Variants in KDM8 observed in about 807,000 individuals in gnomAD.
KDM8 encodes the protein lysine demethylase 8.
In KDM8, 35 loss-of-function variants were observed where a neutral mutation model predicts 46.9. That is an observed-to-expected ratio of 0.75 (90% CI 0.57 to 0.99). The LOEUF (loss-of-function observed/expected upper bound fraction) is 0.99. Ranked by LOEUF, KDM8 falls within the 50% of genes least tolerant of loss-of-function variation. The pLI, the probability that KDM8 is intolerant of heterozygous loss-of-function variation, is 0.00. For missense variants in KDM8, 475 were observed against 537.0 expected, an observed-to-expected ratio of 0.88 and a Z score of 1.14; for synonymous variants, 232 against 227.7, an observed-to-expected ratio of 1.02 and a Z score of -0.17.
chr16:27,218,303 A>G (rs2083576623), intron 5 of KDM8, among the ~76,000 whole-genome samples: 1 of 151,986 alleles, frequency 6.6e-6, no homozygotes, highest in African/African-American at 2.4e-5. Context: ...TACAATAAAT[A>G]AATAAAGGAG....
chr16:27,205,329 C>T (rs2083417733), intron 1 of KDM8, among the ~76,000 whole-genome samples: 2 of 152,164 alleles, frequency 1.3e-5, no homozygotes, highest in African/African-American at 4.8e-5. Flanking sequence ...TATATTCTGA[C>T]CTTCTTTGCA....
chr16:27,203,973 C>A, intron 1 of KDM8: 1 of 748,994 alleles, frequency 1.3e-6, no homozygotes, highest in Non-Finnish European at 2.1e-6. Flanking sequence ...TGGTGTAGGC[C>A]TAGTGCGCCT....
intron 4 of KDM8, among the ~76,000 whole-genome samples, chr16:27,215,636 T>C (rs2083542240): frequency 6.6e-6 from 1 of 152,224 alleles, no homozygotes; most frequent in African/African-American, 2.4e-5. Context: ...AGATCACTTA[T>C]ACTTTCACCA....
rs1023392451 is a variant in KDM8, at chr16:27,221,295, G to A, written c.*565G>A. The stretch of plus-strand genomic sequence containing the variant: ...TCCTTTTGCCCTTCCTTCCCATAAC[G>A]GCCTGCTGGACGCCACAGCCTGAAT... On this transcript the variant is annotated 3_prime_UTR_variant, in exon 8 of 8. Transcript: ENST00000286096. The A allele has an allele frequency of 2.6e-5, 6 of 227,544 alleles. No homozygotes were observed. Among genetic ancestry groups the A allele is most frequent in the Non-Finnish European group, 4.4e-5 (5 of 113,480 alleles). 14.1% of individuals were successfully genotyped at this position (227,544 alleles called of 1,614,324 possible).
intron 5 of KDM8, among the ~76,000 whole-genome samples, chr16:27,217,100 T>G (rs1033197411): frequency 1.2e-4 from 19 of 152,156 alleles, no homozygotes; most frequent in African/African-American, 4.6e-4. Flanking sequence ...GTGTCTACCA[T>G]GCTGTGGAGA....
chr16:27,217,378 A>G (rs1052584546), intron 5 of KDM8, among the ~76,000 whole-genome samples: 1 of 152,206 alleles, frequency 6.6e-6, no homozygotes, highest in Non-Finnish European at 1.5e-5. Context: ...TTCTGATGAC[A>G]TGATCTGGTC....
At chr16:27,215,869 ACAG>A in intron 4 of KDM8, 73 bp from the exon 5 acceptor site, 7 of 1,451,356 alleles carry the variant, frequency 4.8e-6, no homozygotes, top group Non-Finnish European at 6.8e-6. Flanking sequence ...GGCCAGCTGG[ACAG>A]CAGCAGCAGG....
At position 27,210,408 on chromosome 16, in the gene KDM8, C is replaced by A; in HGVS notation, c.285C>A (p.Tyr95Ter). The A allele has an allele frequency of 6.2e-7, 1 of 1,609,140 alleles. No individual in the cohort carries two copies. The highest frequency in any genetic ancestry group is 8.5e-7 in the Non-Finnish European group (1 of 1,176,378). The change falls in exon 2 of 8, where the codon TAC becomes TAA. Residue 95 changes from tyrosine to a stop codon, truncating the protein, a stop_gained. Transcript: ENST00000286096. LOFTEE classifies it high-confidence loss of function. ...TAGACAAAGACTGGCGCCGGGTCTA[C>A]GCCATCGGCTGCCTCCTGAAAGCCC... is the stretch of plus-strand genomic sequence containing the variant. The part of the protein sequence containing the change: ...QDVDKDWRRV[Y>*]AIGCLLKALC...
chr16:27,204,150 G>A (rs746656979), intron 1 of KDM8: 1 of 1,524,580 alleles, frequency 6.6e-7, no homozygotes, highest in South Asian at 1.2e-5. Context: ...GGGGTCTGAG[G>A]CCTCGGGGCT....
At chr16:27,215,095 G>A in intron 4 of KDM8, 87 bp downstream of exon 4, 1 of 1,503,220 alleles carries the variant, frequency 6.7e-7, no homozygotes, top group Non-Finnish European at 9.2e-7. Flanking sequence ...GTGTTGTAAT[G>A]GGAGGTTTTG....
At chr16:27,217,394 A>G (rs1212934024) in intron 5 of KDM8, among the ~76,000 whole-genome samples, 3 of 152,082 alleles carry the variant, frequency 2.0e-5, no homozygotes, top group Admixed American at 2.0e-4. Context: ...TGGTCAGCCA[A>G]TCACCTTTCA....
At chr16:27,213,545 TG>T in intron 2 of KDM8, 39 bp from the exon 3 acceptor site, 1 of 1,605,256 alleles carries the variant, frequency 6.2e-7, no homozygotes, top group African/African-American at 1.3e-5. Context: ...GTCGACTTCC[TG>T]AGGTGGTTGC....
At chr16:27,217,485 C>T (rs951551687) in intron 5 of KDM8, among the ~76,000 whole-genome samples, 2 of 152,326 alleles carry the variant, frequency 1.3e-5, no homozygotes, top group African/African-American at 4.8e-5. Flanking sequence ...AAAGCAGCAG[C>T]GTCGGGTTAC....
In KDM8 at chr16:27,215,146, C is replaced by T. The variant is rs370621185; in HGVS notation, c.798+138C>T. The T allele has an allele frequency of 1.0e-3, 1,010 of 972,912 alleles. 3 individuals carry two copies. Among genetic ancestry groups the T allele is most frequent in the South Asian group, 7.6e-3 (508 of 66,428 alleles). 60.3% of individuals were successfully genotyped at this position (972,912 alleles called of 1,614,324 possible). On this transcript the variant is annotated intron_variant, in intron 4 of 7. Transcript: ENST00000286096. ...AAGTCTGTGGTCGGAGGGACGACCG[C>T]AGCGAGGAAGGCAGGCTGCTTAGCC... is the stretch of plus-strand genomic sequence containing the variant.
At chr16:27,209,772 A>G (rs2083462574) in intron 1 of KDM8, among the ~76,000 whole-genome samples, 1 of 152,314 alleles carries the variant, frequency 6.6e-6, no homozygotes, top group African/African-American at 2.4e-5. Flanking sequence ...TCACATAGGG[A>G]TATTTAAGAT....
At position 27,210,419 on chromosome 16, in the gene KDM8, G is replaced by A. The variant is rs1227197301; in HGVS notation, c.296G>A (p.Cys99Tyr). 1 of 1,607,410 alleles carries A rather than the reference G, an allele frequency of 6.2e-7. No individual in the cohort carries two copies. The highest frequency in any genetic ancestry group is 2.2e-5 in the East Asian group (1 of 44,728). The change falls in exon 2 of 8, where the codon TGC (cysteine) becomes TAC (tyrosine). Residue 99 changes from cysteine (C) to tyrosine (Y), a missense_variant. Cys to Tyr is a radical substitution (Grantham distance 194). Coordinates refer to ENST00000286096, the MANE Select transcript of KDM8 (RefSeq NM_024773.3). The part of the protein sequence containing the change: ...KDWRRVYAIG[C>Y]LLKALCLCQA... ...TGGCGCCGGGTCTACGCCATCGGCT[G>A]CCTCCTGAAAGCCCTGTGTCTGTGC... is the stretch of plus-strand genomic sequence containing the variant.
intron 1 of KDM8, chr16:27,204,465 C>A: frequency 1.2e-6 from 1 of 819,706 alleles, no homozygotes; most frequent in Non-Finnish European, 1.6e-6. Context: ...TTTTACGAAG[C>A]TCTTGTTTTT....
chr16:27,206,479 C>T (rs932589041), intron 1 of KDM8, among the ~76,000 whole-genome samples: 4 of 152,156 alleles, frequency 2.6e-5, no homozygotes, highest in Non-Finnish European at 4.4e-5. Flanking sequence ...ACCATGTTGG[C>T]CAGGCTGGTC....
Position 27,213,451 on chromosome 16 carries a change from A to G in KDM8, c.499-134A>G. The G allele has an allele frequency of 1.1e-5, 9 of 834,352 alleles. No individual in the cohort carries two copies. In the South Asian group the frequency reaches 1.7e-4, roughly 16 times the overall value. The allele number at this position is 834,352 out of a possible 1,614,324, so 51.7% of individuals were successfully genotyped here. On this transcript the variant is annotated intron_variant, in intron 2 of 7. Transcript: ENST00000286096. ...AGTAATAGTAGCAGTAATAATAACA[A>G]ACGTTGTCTATTGTTGTTACTGGTA... is the stretch of plus-strand genomic sequence containing the variant.
Sources: gnomAD v4.1 joint callset for allele counts (sites outside exome capture counted in the v4.1 genomes callset) on GRCh38, gnomAD v4.1.1 for gene constraint, MANE v1.5 for transcripts, NCBI Gene and HGNC (gene_info 2026-07-23, HGNC 2026-07-21) for gene names.